The following TSNARE1 variants were observed in gnomAD, a reference collection of about 807,000 sequenced individuals.
The protein encoded by TSNARE1 is t-SNARE domain containing 1, also known as t-SNARE domain-containing protein 1.
A neutral mutation model predicts 62.0 loss-of-function variants in TSNARE1; 49 were observed. The observed-to-expected ratio is 0.79, with a 90% CI of 0.63 to 1.00. The LOEUF is 1.00. Among genes scored for constraint, TSNARE1 ranks in the 50% least tolerant of loss-of-function variants. The probability of loss-of-function intolerance (pLI) is 0.00; values close to 1 mark genes in which losing one functional copy is unlikely to be tolerated. For missense variants in TSNARE1, 755 were observed against 700.1 expected (o/e 1.08, Z -0.88); for synonymous variants, 328 against 294.4 (o/e 1.11, Z -1.17).
intron 1 of TSNARE1, among the ~76,000 whole-genome samples, chr8:142,369,963 C>A (rs1835809782): frequency 6.6e-6 from 1 of 152,134 alleles, no homozygotes; most frequent in African/African-American, 2.4e-5. Flanking sequence ...AATCTAACCC[C>A]CAACATGATG....
intron 1 of TSNARE1, among the ~76,000 whole-genome samples, chr8:142,355,586 C>T (rs1834660217): frequency 6.6e-6 from 1 of 152,192 alleles, no homozygotes; most frequent in Non-Finnish European, 1.5e-5. Flanking sequence ...AGCTCTCCTG[C>T]CCAGACACTG....
At chr8:142,383,836 CACT>C (rs976101188) in intron 1 of TSNARE1, among the ~76,000 whole-genome samples, 1 of 152,136 alleles carries the variant, frequency 6.6e-6, no homozygotes, top group Non-Finnish European at 1.5e-5. Flanking sequence ...ATGCCCCCAC[CACT>C]GCTACCAAAT....
At chr8:142,271,388 G>A (rs1819522577) in intron 12 of TSNARE1, 12 of 1,232,670 alleles carry the variant, frequency 9.7e-6, no homozygotes, top group Non-Finnish European at 1.2e-5. Flanking sequence ...GGACAGCAGG[G>A]CGCCCTGCTG....
chr8:142,255,250 A>T (rs1027838242), intron 12 of TSNARE1, among the ~76,000 whole-genome samples: 1 of 151,822 alleles, frequency 6.6e-6, no homozygotes, highest in Admixed American at 6.6e-5. Context: ...AGTATGGAGG[A>T]CTCAACACCA....
chr8:142,277,462 GCCCAA>G (rs1297310821), intron 11 of TSNARE1: 3 of 985,318 alleles, frequency 3.0e-6, no homozygotes, highest in Admixed American at 1.2e-4. Flanking sequence ...GCCTGGCCCT[GCCCAA>G]ACCCCAGGCA....
intron 6 of TSNARE1, among the ~76,000 whole-genome samples, chr8:142,330,019 C>A (rs1830782660): frequency 6.6e-6 from 1 of 152,252 alleles, no homozygotes; most frequent in African/African-American, 2.4e-5. Flanking sequence ...CTCCTCAGTT[C>A]TGGCCCTTTC....
At chr8:142,257,056 A>G (rs1320718189) in intron 12 of TSNARE1, among the ~76,000 whole-genome samples, 2 of 152,046 alleles carry the variant, frequency 1.3e-5, no homozygotes, top group Non-Finnish European at 2.9e-5. Flanking sequence ...CTTGAAAGGG[A>G]CCTTCCCACG....
At chr8:142,271,772 T>C (rs373288050) in intron 12 of TSNARE1, 1 of 1,049,534 alleles carries the variant, frequency 9.5e-7, no homozygotes, top group South Asian at 3.0e-5. Flanking sequence ...GCAGGGAGAG[T>C]GCCCATGTGA....
chr8:142,287,221 G>A (rs1455827534), intron 10 of TSNARE1, among the ~76,000 whole-genome samples: 44 of 126,838 alleles, frequency 3.5e-4, no homozygotes, highest in Non-Finnish European at 5.6e-4. Flanking sequence ...ACAGTGGGCC[G>A]CCCTCCAGGT....
At chr8:142,313,066 CTGTG>C (rs1035171352) in intron 9 of TSNARE1, among the ~76,000 whole-genome samples, 1 of 152,114 alleles carries the variant, frequency 6.6e-6, no homozygotes, top group South Asian at 2.1e-4. Flanking sequence ...CTGCATGTGT[CTGTG>C]TGTCTGTGTT....
At chr8:142,271,210 G>A (rs868063462) in intron 12 of TSNARE1, 89 of 998,458 alleles carry the variant, frequency 8.9e-5, no homozygotes, top group Middle Eastern at 5.0e-4. Context: ...CAGGACTACC[G>A]TCCTGGAGTG....
At chr8:142,382,138 T>C (rs1411420941) in intron 1 of TSNARE1, among the ~76,000 whole-genome samples, 1 of 152,154 alleles carries the variant, frequency 6.6e-6, no homozygotes, top group Non-Finnish European at 1.5e-5. Flanking sequence ...GAGTGGCATG[T>C]GTGAGCGTGT....
chr8:142,236,558 TC>T (rs1332491445), intron 12 of TSNARE1, among the ~76,000 whole-genome samples: 1 of 143,708 alleles, frequency 7.0e-6, no homozygotes, highest in African/African-American at 2.5e-5. Flanking sequence ...GATCCCCATG[TC>T]CCCAGGCCTC....
intron 10 of TSNARE1, among the ~76,000 whole-genome samples, chr8:142,290,582 T>C (rs1823588656): frequency 6.6e-6 from 1 of 152,224 alleles, no homozygotes; most frequent in Admixed American, 6.5e-5. Flanking sequence ...CACCATCTCT[T>C]CTTATAATTA....
At chr8:142,298,828 C>T (rs1157589445) in intron 10 of TSNARE1, among the ~76,000 whole-genome samples, 1 of 152,222 alleles carries the variant, frequency 6.6e-6, no homozygotes, top group Non-Finnish European at 1.5e-5. Flanking sequence ...GTCCGTCTGC[C>T]TCTCTAGCTG....
At chr8:142,275,673 G>A (rs1433218302) in intron 11 of TSNARE1, 1 of 985,334 alleles carries the variant, frequency 1.0e-6, no homozygotes, top group African/African-American at 1.7e-5. Context: ...GAGGTTCCTT[G>A]CAAGGCCTGC....
intron 12 of TSNARE1, chr8:142,271,092 TCTC>T (rs1343997444): frequency 1.9e-5 from 19 of 985,728 alleles, no homozygotes; most frequent in South Asian, 9.4e-5. Flanking sequence ...CAGCCCTATA[TCTC>T]CTCCTCCACC....
At chr8:142,304,980 AC>A (rs1488076936) in intron 9 of TSNARE1, among the ~76,000 whole-genome samples, 1 of 152,008 alleles carries the variant, frequency 6.6e-6, no homozygotes, top group East Asian at 1.9e-4. Context: ...AACATAACAA[AC>A]TTTTGAGGTA....
intron 1 of TSNARE1, among the ~76,000 whole-genome samples, chr8:142,392,333 A>C (rs1452913164): frequency 6.6e-6 from 1 of 152,074 alleles, no homozygotes. Flanking sequence ...ACTTTTTTTT[A>C]ATAAGTAAAA....
Sources: allele counts gnomAD v4.1 joint callset (sites outside exome capture counted in the v4.1 genomes callset), GRCh38; gene constraint gnomAD v4.1.1; transcripts MANE v1.5; gene names NCBI Gene and HGNC (gene_info 2026-07-23, HGNC 2026-07-21).